ZMYM2: variants seen among roughly 807,000 people sequenced by gnomAD.
The protein encoded by ZMYM2 is zinc finger MYM-type containing 2.
Under a neutral mutation model 162.8 loss-of-function variants are expected in ZMYM2, and 56 were observed. That is an observed-to-expected ratio of 0.34 (90% CI 0.28 to 0.43). The LOEUF is 0.43. Ranked by LOEUF, ZMYM2 falls within the 20% of genes least tolerant of loss-of-function variation. The probability of loss-of-function intolerance (pLI) is 1.00; values close to 1 mark genes in which losing one functional copy is unlikely to be tolerated. For missense variants in ZMYM2, 1,275 were observed against 1,621.8 expected (o/e 0.79, Z 3.67); for synonymous variants, 510 against 541.6 (o/e 0.94, Z 0.81).
At chr13:20,046,563 A>ATT (rs139932379) in intron 12 of ZMYM2, among the ~76,000 whole-genome samples, 1 of 12,880 alleles carries the variant, frequency 7.8e-5, no homozygotes, top group Non-Finnish European at 4.1e-4. Context: ...CTAAAAAAAA[A>ATT]AATATATATA....
At chr13:20,048,014 G>T (rs1954978710) in intron 12 of ZMYM2, among the ~76,000 whole-genome samples, 1 of 151,978 alleles carries the variant, frequency 6.6e-6, no homozygotes, top group Admixed American at 6.6e-5. Context: ...ATAGCTAGAA[G>T]GTGTTTGATA....
At position 19,970,177 on chromosome 13, in the gene ZMYM2, G is replaced by C. The variant is rs532289442; in HGVS notation, c.-11+10151G>C. 1.8e-5 allele frequency: 8 copies of C among 452,644 alleles called. No homozygotes were observed. The South Asian group carries it at 5.7e-4, about 32-fold the overall frequency. 28.0% of individuals were successfully genotyped at this position (452,644 alleles called of 1,614,324 possible). On this transcript the variant is annotated intron_variant, in intron 2 of 24. Transcript: ENST00000610343. ...GATCATAGATTTGGAACACCAACAA[G>C]TGGTCATAAGAATAAATGAATGTTT...
chr13:19,890,832 A>G, the ZMYM2 span, among the ~76,000 whole-genome samples: 3 of 151,448 alleles, frequency 2.0e-5, no homozygotes, highest in East Asian at 5.8e-4. Context: ...AGATTGTGCC[A>G]TTGCACTCCA....
chr13:19,884,480 A>T, the ZMYM2 span, among the ~76,000 whole-genome samples: 1 of 152,114 alleles, frequency 6.6e-6, no homozygotes, highest in Non-Finnish European at 1.5e-5. Context: ...CGGGAGGCCG[A>T]GGCAGGAAAA....
chr13:20,027,348 C>CAT, intron 9 of ZMYM2, 30 bp downstream of exon 9: 1 of 1,465,684 alleles, frequency 6.8e-7, no homozygotes, highest in Non-Finnish European at 9.3e-7. Flanking sequence ...TAACCCATGC[C>CAT]CCCAATAAAA....
the ZMYM2 span, among the ~76,000 whole-genome samples, chr13:19,890,521 A>AAAAAAAAAAAAT: frequency 4.6e-5 from 7 of 150,754 alleles, no homozygotes; most frequent in African/African-American, 1.7e-4. Context: ...AAAAAAAAAA[A>AAAAAAAAAAAAT]AGTTGGGAAA....
At chr13:19,945,951 GAAAAAAAA>G in the ZMYM2 span, among the ~76,000 whole-genome samples, 17 of 89,566 alleles carry the variant, frequency 1.9e-4, no homozygotes, top group South Asian at 4.3e-4. Context: ...CTCCGTCTCA[GAAAAAAAA>G]AAAAAAAAAA....
At chr13:19,881,232 C>T in the ZMYM2 span, among the ~76,000 whole-genome samples, 1 of 151,964 alleles carries the variant, frequency 6.6e-6, no homozygotes. Flanking sequence ...CTATGGAAAA[C>T]GATAATTTAT....
chr13:19,927,312 T>C, the ZMYM2 span, among the ~76,000 whole-genome samples: 3 of 152,214 alleles, frequency 2.0e-5, no homozygotes, highest in Non-Finnish European at 4.4e-5. Flanking sequence ...ATTTGCCCAC[T>C]AGAGGTAGCC....
At chr13:20,023,940 CTT>C (rs536997476) in intron 7 of ZMYM2, among the ~76,000 whole-genome samples, 25 of 143,374 alleles carry the variant, frequency 1.7e-4, no homozygotes, top group Admixed American at 1.4e-4. Flanking sequence ...TTTTCTTCTT[CTT>C]TTTTTTTTTT....
intron 11 of ZMYM2, among the ~76,000 whole-genome samples, chr13:20,036,248 C>G (rs1485560498): frequency 7.6e-6 from 1 of 131,148 alleles, no homozygotes; most frequent in Non-Finnish European, 1.7e-5. Context: ...AGTATTTTCT[C>G]TGGGCAAGTC....
intron 6 of ZMYM2, among the ~76,000 whole-genome samples, chr13:20,010,417 G>C (rs2140037963): frequency 6.6e-6 from 1 of 152,014 alleles, no homozygotes; most frequent in East Asian, 1.9e-4. Context: ...GTTCAGGCCT[G>C]GTCTCGAACT....
intron 3 of ZMYM2, among the ~76,000 whole-genome samples, chr13:19,996,724 A>G (rs982247181): frequency 4.6e-5 from 7 of 151,914 alleles, no homozygotes; most frequent in African/African-American, 1.2e-4. Flanking sequence ...CTCAAAAAAC[A>G]AAACAAAAAA....
the ZMYM2 span, among the ~76,000 whole-genome samples, chr13:19,930,785 T>C: frequency 6.6e-6 from 1 of 151,358 alleles, no homozygotes; most frequent in South Asian, 2.1e-4. Context: ...GTGATCTGCC[T>C]GCCTCGGTTT....
At chr13:19,897,687 G>T in the ZMYM2 span, among the ~76,000 whole-genome samples, 12,711 of 151,886 alleles carry the variant, frequency 0.084, 570 homozygotes, top group Middle Eastern at 0.12. Context: ...GTCAAAAACT[G>T]TTACAAGAGA....
At chr13:19,888,579 T>C in the ZMYM2 span, among the ~76,000 whole-genome samples, 2 of 151,906 alleles carry the variant, frequency 1.3e-5, no homozygotes, top group Non-Finnish European at 2.9e-5. Context: ...TTAATGTGGA[T>C]CCTCTTCATT....
At chr13:19,884,792 A>C in the ZMYM2 span, among the ~76,000 whole-genome samples, 1 of 152,152 alleles carries the variant, frequency 6.6e-6, no homozygotes, top group Non-Finnish European at 1.5e-5. Flanking sequence ...AGACAGAAAA[A>C]CAAAATCTTC....
At chr13:20,063,797 A>ATATACATCATGATGTATATAATACAT (rs1956415765) in intron 18 of ZMYM2, among the ~76,000 whole-genome samples, 1 of 26,394 alleles carries the variant, frequency 3.8e-5, no homozygotes, top group Non-Finnish European at 1.2e-4. Flanking sequence ...TATATATATA[A>ATATACATCATGATGTATATAATACAT]AAAATATATA....
chr13:20,040,008 T>C (rs777729475), intron 12 of ZMYM2, among the ~76,000 whole-genome samples: 1 of 152,214 alleles, frequency 6.6e-6, no homozygotes, highest in Non-Finnish European at 1.5e-5. Context: ...GTTGAGGATT[T>C]TGGCGTTGAT....
Sources: gnomAD v4.1 joint callset for allele counts (sites outside exome capture counted in the v4.1 genomes callset) on GRCh38, gnomAD v4.1.1 for gene constraint, MANE v1.5 for transcripts, NCBI Gene and HGNC (gene_info 2026-07-23, HGNC 2026-07-21) for gene names.